TTC23L: variants seen among roughly 807,000 people sequenced by gnomAD.
TTC23L encodes the protein tetratricopeptide repeat domain 23 like, also known as tetratricopeptide repeat protein 23-like.
A neutral mutation model predicts 48.1 loss-of-function variants in TTC23L; 42 were observed. The observed-to-expected ratio is 0.87, with a 90% confidence interval of 0.68 to 1.13. The LOEUF is 1.13. Among genes scored for constraint, TTC23L ranks in the 50% most tolerant of loss-of-function variants. The pLI is 0.00. For missense variants in TTC23L, 391 were observed against 421.0 expected (o/e 0.93, Z 0.62); for synonymous variants, 159 against 157.2 (o/e 1.01, Z -0.09).
intron 9 of TTC23L, among the ~76,000 whole-genome samples, chr5:34,893,777 T>C (rs1763024650): frequency 7.0e-6 from 1 of 143,502 alleles, no homozygotes; most frequent in African/African-American, 2.6e-5. Context: ...GAAAAAGTCC[T>C]TGAGAATTAG....
the TTC23L span, among the ~76,000 whole-genome samples, chr5:34,919,576 A>C: frequency 1.3e-5 from 2 of 152,140 alleles, no homozygotes; most frequent in African/African-American, 4.8e-5. Context: ...GGATTCCTAG[A>C]ATACCTAAAT....
the TTC23L span, chr5:34,916,018 G>A: frequency 1.6e-6 from 2 of 1,213,470 alleles, no homozygotes; most frequent in Non-Finnish European, 2.2e-6. Context: ...ACGGTAGGTC[G>A]GTTTTAGCAA....
At chr5:34,893,856 C>T (rs189430279) in intron 9 of TTC23L, among the ~76,000 whole-genome samples, 13 of 152,152 alleles carry the variant, frequency 8.5e-5, no homozygotes, top group Non-Finnish European at 2.9e-5. Flanking sequence ...GTCATTGTTA[C>T]GAAAGACACG....
the TTC23L span, chr5:34,925,280 G>A: frequency 6.2e-7 from 1 of 1,612,042 alleles, no homozygotes; most frequent in Non-Finnish European, 8.5e-7. Flanking sequence ...GAAACAGCAA[G>A]TGAAAGATGT....
chr5:34,861,110 GGT>G (rs2150390430), intron 4 of TTC23L: 1 of 152,462 alleles, frequency 6.6e-6, no homozygotes, highest in East Asian at 1.9e-4. Flanking sequence ...TGGGACTTCA[GGT>G]GCACACCACC....
At chr5:34,845,443 G>T in intron 2 of TTC23L, 44 bp from the exon 3 acceptor site, 1 of 1,571,082 alleles carries the variant, frequency 6.4e-7, no homozygotes, top group Non-Finnish European at 8.6e-7. Flanking sequence ...TGTTTGAGAT[G>T]GAGAAGGTTA....
At chr5:34,916,606 A>G in the TTC23L span, 179 of 152,386 alleles carry the variant, frequency 1.2e-3, no homozygotes, top group African/African-American at 4.2e-3. Flanking sequence ...ACAAGTTGTT[A>G]GAATTAGCTT....
At chr5:34,866,546 G>A (rs1241429981) in intron 6 of TTC23L, among the ~76,000 whole-genome samples, 2 of 152,098 alleles carry the variant, frequency 1.3e-5, no homozygotes, top group African/African-American at 4.8e-5. Context: ...GAAAGAGAGG[G>A]AATCAGAGGT....
chr5:34,845,476 C>T lies in TTC23L; in HGVS notation c.69-11C>T, dbSNP rs185729708. 3 of 1,608,910 alleles carry T rather than the reference C, an allele frequency of 1.9e-6. No homozygotes were observed. Among genetic ancestry groups the T allele is most frequent in the African/African-American group, 1.3e-5 (1 of 74,770 alleles). On this transcript the variant is annotated splice_polypyrimidine_tract_variant and intron_variant, in intron 2 of 10. Transcript: ENST00000505624. ...TTAAATCCTGAATCCTTGCCTCTCTCATACCTACAGGTCACAGCAAACCGA... is the reference window on the plus strand; with the variant it reads ...TTAAATCCTGAATCCTTGCCTCTCTTATACCTACAGGTCACAGCAAACCGA...
intron 8 of TTC23L, among the ~76,000 whole-genome samples, chr5:34,873,981 G>A (rs1026626449): frequency 1.3e-5 from 2 of 152,178 alleles, no homozygotes; most frequent in African/African-American, 4.8e-5. Flanking sequence ...ACTAAAATCT[G>A]AGCAGAAACT....
chr5:34,919,137 A>T, the TTC23L span: 1 of 151,014 alleles, frequency 6.6e-6, no homozygotes, highest in Non-Finnish European at 1.5e-5. Context: ...TAGCCAAGTG[A>T]GGGGGTCACT....
intron 4 of TTC23L, among the ~76,000 whole-genome samples, chr5:34,851,097 G>A (rs974284146): frequency 4.6e-5 from 7 of 152,106 alleles, no homozygotes; most frequent in African/African-American, 1.4e-4. Context: ...CCCTCAGGGC[G>A]GGACTGGTCT....
chr5:34,862,790 C>T (rs1213142883), intron 4 of TTC23L, 108 bp from the exon 5 acceptor site: 4 of 1,294,642 alleles, frequency 3.1e-6, no homozygotes, highest in Non-Finnish European at 4.3e-6. Context: ...ATGCTATAGA[C>T]CATACGACAA....
At chr5:34,909,493 A>AT in the TTC23L span, 1 of 549,938 alleles carries the variant, frequency 1.8e-6, no homozygotes, top group Non-Finnish European at 3.2e-6. Flanking sequence ...ATAACACACG[A>AT]TAACAAGTAC....
the TTC23L span, among the ~76,000 whole-genome samples, chr5:34,910,384 T>C: frequency 6.6e-6 from 1 of 152,088 alleles, no homozygotes; most frequent in African/African-American, 2.4e-5. Context: ...TGAGCCAAAT[T>C]TTTAACTCCC....
downstream of TTC23L, among the ~76,000 whole-genome samples, chr5:34,900,119 C>T (rs901944449): frequency 6.6e-6 from 1 of 152,148 alleles, no homozygotes; most frequent in Admixed American, 6.6e-5. Flanking sequence ...CTACAGTTGA[C>T]CACTGAACAA....
chr5:34,841,379 G>A (rs1319975525), intron 2 of TTC23L, among the ~76,000 whole-genome samples: 1 of 152,140 alleles, frequency 6.6e-6, no homozygotes, highest in Non-Finnish European at 1.5e-5. Context: ...ATCCCCCCAA[G>A]CCCTGTGAAG....
chr5:34,877,140 G>T (rs1761905670), intron 8 of TTC23L, among the ~76,000 whole-genome samples: 2 of 152,126 alleles, frequency 1.3e-5, no homozygotes, highest in Admixed American at 1.3e-4. Flanking sequence ...ATTTATCGCA[G>T]GTATGCAAGG....
chr5:34,842,507 CA>C (rs759411499), intron 2 of TTC23L, among the ~76,000 whole-genome samples: 3 of 152,092 alleles, frequency 2.0e-5, no homozygotes, highest in South Asian at 2.1e-4. Context: ...AAGAAGGGGT[CA>C]GGGGGCACCT....
Sources: allele counts gnomAD v4.1 joint callset (sites outside exome capture counted in the v4.1 genomes callset), GRCh38; gene constraint gnomAD v4.1.1; transcripts MANE v1.5; gene names NCBI Gene and HGNC (gene_info 2026-07-23, HGNC 2026-07-21).